The following RILPL1 variants were observed in gnomAD, a reference collection of about 807,000 sequenced individuals.
The protein encoded by RILPL1 is RILP-like protein 1.
In RILPL1, 33 loss-of-function variants were observed where a neutral mutation model predicts 50.3. That is an observed-to-expected ratio of 0.66 (90% CI 0.50 to 0.88). The LOEUF (loss-of-function observed/expected upper bound fraction) is 0.88, where lower values mean the gene tolerates loss of function less well. Ranked by LOEUF, RILPL1 falls within the 40% of genes least tolerant of loss-of-function variation. RILPL1 has a pLI of 0.00. For missense variants in RILPL1, 418 were observed against 542.5 expected (o/e 0.77, Z 2.28); for synonymous variants, 205 against 228.6 (o/e 0.90, Z 0.93).
intron 6 of RILPL1, among the ~76,000 whole-genome samples, chr12:123,479,372 C>CA (rs1254810861): frequency 1.3e-5 from 2 of 152,096 alleles, no homozygotes; most frequent in East Asian, 3.9e-4. Flanking sequence ...CAGTGGGAAG[C>CA]AGAGCTGAAG....
At chr12:123,530,464 G>A (rs1885406383) in intron 1 of RILPL1, among the ~76,000 whole-genome samples, 1 of 152,172 alleles carries the variant, frequency 6.6e-6, no homozygotes, top group African/African-American at 2.4e-5. Context: ...ACCGCGCCCA[G>A]CCAACTTCAC....
intron 2 of RILPL1, among the ~76,000 whole-genome samples, chr12:123,516,509 A>G (rs1001479957): frequency 6.6e-6 from 1 of 150,758 alleles, no homozygotes; most frequent in Non-Finnish European, 1.5e-5. Context: ...TGCTTCCTCC[A>G]CTCCCTCCCC....
intron 4 of RILPL1, among the ~76,000 whole-genome samples, chr12:123,488,037 C>A (rs572598775): frequency 6.6e-6 from 1 of 152,260 alleles, no homozygotes; most frequent in African/African-American, 2.4e-5. Context: ...CACTCCTGAG[C>A]CACCAATGTC....
chr12:123,480,162 T>C lies in RILPL1; in HGVS notation c.1067+4018A>G, dbSNP rs1359935971. Among the ~76,000 whole-genome samples the C allele has an allele frequency of 2.0e-5, 3 of 149,890 alleles. No individual in the cohort carries two copies. The East Asian group carries it at 5.9e-4, about 29-fold the overall frequency. ...AAGGTGCTAGAAAGGCTGATTCTTT[T>C]TTTTTTTTTTTTTTTTTAAATGGGG... On this transcript the variant is annotated intron_variant, in intron 6 of 6. Transcript: ENST00000376874.
intron 2 of RILPL1, among the ~76,000 whole-genome samples, chr12:123,506,483 C>T (rs929176864): frequency 6.6e-6 from 1 of 152,160 alleles, no homozygotes. Context: ...AGAGGACAGA[C>T]TTCCAGACTT....
At chr12:123,505,262 C>G (rs1349671507) in intron 2 of RILPL1, among the ~76,000 whole-genome samples, 1 of 152,190 alleles carries the variant, frequency 6.6e-6, no homozygotes, top group African/African-American at 2.4e-5. Flanking sequence ...GAACTCCTAA[C>G]CTCAAGTGAT....
In RILPL1 at chr12:123,489,557, G is replaced by A. The variant is rs556131621; in HGVS notation, c.802-3752C>T. On this transcript the variant is annotated intron_variant, in intron 4 of 6. Coordinates refer to ENST00000376874, the MANE Select transcript of RILPL1 (RefSeq NM_178314.5). The surrounding 1 kb of genome is among the most constrained non-coding windows in gnomAD (Gnocchi z 4.0). ...TGGGCACCTGTAATCCCAGCTGCTC[G>A]GGAGGCTGAGGCAGGAGAATTGCTT... Among the ~76,000 whole-genome samples, 1 of 152,118 alleles carries A rather than the reference G, an allele frequency of 6.6e-6. No homozygotes were observed. Among genetic ancestry groups the A allele is most frequent in the Non-Finnish European group, 1.5e-5 (1 of 67,996 alleles).
chr12:123,513,342 G>A lies in RILPL1; in HGVS notation c.460+10153C>T, dbSNP rs557934951. Reference sequence around the variant, plus strand: ...GTCCCGACATGCCCTGTCCTGGGGCGCCAGGACCCACTCACTCATTTACTC... The same window carrying A: ...GTCCCGACATGCCCTGTCCTGGGGCACCAGGACCCACTCACTCATTTACTC... On this transcript the variant is annotated intron_variant, in intron 2 of 6. Transcript: ENST00000376874. The A allele has an allele frequency of 2.4e-4, 94 of 394,300 alleles. 1 individual carries two copies. Among genetic ancestry groups the A allele is most frequent in the South Asian group, 1.6e-3 (92 of 57,108 alleles). The allele number at this position is 394,300 out of a possible 1,614,324, so 24.4% of individuals were successfully genotyped here. A position where few individuals can be genotyped will look rare whatever the true frequency, so the allele number is the denominator to read the frequency against.
At position 123,522,868 on chromosome 12, in the gene RILPL1, C is replaced by G. The variant is rs1230688460; in HGVS notation, c.460+627G>C. On this transcript the variant is annotated intron_variant, in intron 2 of 6. Coordinates refer to ENST00000376874, the MANE Select transcript of RILPL1 (RefSeq NM_178314.5). The surrounding 1 kb of genome is among the most constrained non-coding windows in gnomAD (Gnocchi z 4.0). ...TCAGCCTCCCAAAGTGCTGGGATCA[C>G]AGGTGTGAGCCACTGCGCGCGGCCT... Among the ~76,000 whole-genome samples, 2 of 152,198 alleles carry G rather than the reference C, an allele frequency of 1.3e-5. No individual in the cohort carries two copies. Among genetic ancestry groups the G allele is most frequent in the Non-Finnish European group, 2.9e-5 (2 of 68,040 alleles).
At chr12:123,475,714 TC>T in intron 6 of RILPL1, 1 of 1,593,786 alleles carries the variant, frequency 6.3e-7, no homozygotes. Context: ...CTATTATCAG[TC>T]CCGCTGCTAC....
chr12:123,474,776 T>G (rs1040072306), intron 6 of RILPL1: 3 of 152,226 alleles, frequency 2.0e-5, no homozygotes, highest in African/African-American at 4.8e-5. Flanking sequence ...ACAAAGCCAC[T>G]GCGAAATCAA....
At chr12:123,507,751 G>A (rs1883840516) in intron 2 of RILPL1, among the ~76,000 whole-genome samples, 1 of 151,832 alleles carries the variant, frequency 6.6e-6, no homozygotes, top group South Asian at 2.1e-4. Context: ...AGACCAACCT[G>A]ACCAACATGG....
At chr12:123,504,616 G>T (rs764775010) in intron 2 of RILPL1, among the ~76,000 whole-genome samples, 13 of 152,074 alleles carry the variant, frequency 8.5e-5, no homozygotes, top group Non-Finnish European at 1.9e-4. Context: ...CACTCCCAAA[G>T]GGCAACGTAC....
At chr12:123,508,150 T>C (rs1441170202) in intron 2 of RILPL1, among the ~76,000 whole-genome samples, 1 of 151,948 alleles carries the variant, frequency 6.6e-6, no homozygotes, top group Non-Finnish European at 1.5e-5. Context: ...TCCCAGCACT[T>C]TGGGGGGCCA....
At chr12:123,520,874 G>T (rs546161319) in intron 2 of RILPL1, among the ~76,000 whole-genome samples, 3 of 152,130 alleles carry the variant, frequency 2.0e-5, no homozygotes, top group Non-Finnish European at 4.4e-5. Context: ...ACACCACGGC[G>T]GATCAATCCA....
At chr12:123,517,436 T>C (rs1884770311) in intron 2 of RILPL1, among the ~76,000 whole-genome samples, 1 of 151,326 alleles carries the variant, frequency 6.6e-6, no homozygotes, top group Non-Finnish European at 1.5e-5. Context: ...TTTTTTTTTT[T>C]TTTTTTGCGA....
chr12:123,508,874 A>T (rs1883920017), intron 2 of RILPL1, among the ~76,000 whole-genome samples: 1 of 152,082 alleles, frequency 6.6e-6, no homozygotes, highest in Non-Finnish European at 1.5e-5. Context: ...TCTCCAAAAA[A>T]AAAAAGTTGC....
At chr12:123,529,580 A>AT (rs35289859) in intron 1 of RILPL1, among the ~76,000 whole-genome samples, 213 of 145,170 alleles carry the variant, frequency 1.5e-3, no homozygotes, top group African/African-American at 3.9e-3. Flanking sequence ...CCCAGCCTGA[A>AT]TTTTTTTTTT....
intron 4 of RILPL1, among the ~76,000 whole-genome samples, chr12:123,496,973 G>A (rs1277906876): frequency 1.3e-5 from 2 of 152,154 alleles, no homozygotes; most frequent in African/African-American, 4.8e-5. Context: ...AGCCCCATTC[G>A]GACACCAGTC....
Sources: gnomAD v4.1 joint callset for allele counts (sites outside exome capture counted in the v4.1 genomes callset) on GRCh38, gnomAD v4.1.1 for gene constraint, Gnocchi (gnomAD v3.1) non-coding constraint, MANE v1.5 for transcripts, NCBI Gene and HGNC (gene_info 2026-07-23, HGNC 2026-07-21) for gene names.